ARHGAP32: variants seen among roughly 807,000 people sequenced by gnomAD.
ARHGAP32 encodes the protein rho GTPase-activating protein 32.
In ARHGAP32, 51 loss-of-function variants were observed where a neutral mutation model predicts 186.5. That is an observed-to-expected ratio of 0.27 (90% CI 0.22 to 0.35). The LOEUF (loss-of-function observed/expected upper bound fraction) is 0.35, where lower values mean the gene tolerates loss of function less well. Among genes scored for constraint, ARHGAP32 ranks in the 10% least tolerant of loss-of-function variants. The pLI is 1.00. For missense variants in ARHGAP32, 2,186 were observed against 2,623.5 expected, an observed-to-expected ratio of 0.83 and a Z score of 3.64; for synonymous variants, 950 against 964.3, an observed-to-expected ratio of 0.99 and a Z score of 0.27.
chr11:129,194,269 GAAGT>G (rs1472069122), upstream of ARHGAP32, among the ~76,000 whole-genome samples: 1 of 152,098 alleles, frequency 6.6e-6, no homozygotes, highest in African/African-American at 2.4e-5. Context: ...TTCACAAGTA[GAAGT>G]AAGAGGCAAA....
rs1400362609 is a variant in ARHGAP32 at position 129,102,276 on chromosome 11, T to C, written c.445-8569A>G. Among the ~76,000 whole-genome samples the C allele has an allele frequency of 5.3e-5, 8 of 152,134 alleles. No homozygotes were observed. The East Asian group carries it at 1.5e-3, about 29-fold the overall frequency. On this transcript the variant is annotated intron_variant, in intron 5 of 22. Coordinates refer to ENST00000682385, the MANE Select transcript of ARHGAP32 (RefSeq NM_001378024.1). The stretch of plus-strand genomic sequence containing the variant: ...TGAAATAAGCAGACCAATGATACTA[T>C]AAAGCAACCACATAAACAAGTCTGC...
In ARHGAP32 at chr11:128,973,217, T is replaced by G; in HGVS notation, c.3289A>C (p.Asn1097His). The G allele has an allele frequency of 6.2e-7, 1 of 1,614,192 alleles. No homozygotes were observed. Among genetic ancestry groups the G allele is most frequent in the Non-Finnish European group, 8.5e-7 (1 of 1,180,030 alleles). ...GDIAVATTED[N>H]LSSSYSAVAL... ...ACTGCAGAGTAAGAACTGGACAGAT[T>G]ATCTTCAGTTGTAGCCACCGCTATG... The change falls in exon 22 of 23, where the codon AAT (asparagine) becomes CAT (histidine). Residue 1097 changes from asparagine (N) to histidine (H), a missense_variant. This residue lies in a region of ARHGAP32 where 1,502 missense variants were observed against 1,570.0 expected (regional missense o/e 0.96). Coordinates refer to ENST00000682385, the MANE Select transcript of ARHGAP32 (RefSeq NM_001378024.1).
In ARHGAP32 at chr11:129,123,601, A is replaced by T; in HGVS notation, c.360-71T>A. ...AAATTACTAAGTTTAAGGGAAAAAT[A>T]CAGTGGATTTAAGAGCTCATGCAAG... is the stretch of plus-strand genomic sequence containing the variant. On this transcript the variant is annotated intron_variant, in intron 4 of 22. Transcript: ENST00000682385. The surrounding 1 kb of genome is among the most constrained non-coding windows in gnomAD (Gnocchi z 4.6). The T allele has an allele frequency of 7.1e-7, 1 of 1,410,192 alleles. No homozygotes were observed. Among genetic ancestry groups the T allele is most frequent in the Non-Finnish European group, 9.9e-7 (1 of 1,009,392 alleles). The allele number at this position is 1,410,192 out of a possible 1,614,324, so 87.4% of individuals were successfully genotyped here.
chr11:129,269,375 T>C (rs904845713), intron 1 of ARHGAP32, among the ~76,000 whole-genome samples: 2 of 152,050 alleles, frequency 1.3e-5, no homozygotes, highest in Non-Finnish European at 2.9e-5. Flanking sequence ...GTGCTACATA[T>C]ACAGGTAATC....
intron 1 of ARHGAP32, among the ~76,000 whole-genome samples, chr11:129,182,022 G>C (rs570183330): frequency 6.6e-6 from 1 of 152,136 alleles, no homozygotes; most frequent in African/African-American, 2.4e-5. Context: ...CTGCTTCTTA[G>C]TAGGTTTACA....
intron 2 of ARHGAP32, among the ~76,000 whole-genome samples, 157 bp from the exon 3 acceptor site, chr11:129,125,051 G>C (rs181338400): frequency 3.1e-4 from 47 of 152,078 alleles, no homozygotes; most frequent in African/African-American, 8.9e-4. Flanking sequence ...TAATTATTAA[G>C]AATATAAATT....
At chr11:129,205,967 T>G (rs1471937902) in intron 1 of ARHGAP32, among the ~76,000 whole-genome samples, 4 of 152,110 alleles carry the variant, frequency 2.6e-5, no homozygotes, top group Non-Finnish European at 5.9e-5. Context: ...AATAGGTATC[T>G]ATTACTCAGC....
intron 2 of ARHGAP32, among the ~76,000 whole-genome samples, chr11:129,139,983 G>T (rs1750893294): frequency 6.6e-6 from 1 of 152,068 alleles, no homozygotes; most frequent in African/African-American, 2.4e-5. Context: ...TGAGAATAGA[G>T]GGTGCAAATG....
In ARHGAP32 at chr11:129,093,718, GA is replaced by G; in HGVS notation, c.445-12del. The G allele has an allele frequency of 9.0e-6, 14 of 1,547,612 alleles. No individual in the cohort carries two copies. The highest frequency in any genetic ancestry group is 1.2e-5 in the South Asian group (1 of 83,438). ...TTCTGAAAGTGAAAGCTACATCACA[GA>G]AAAAAAAGAAGAGGGGGAAAGAAAG... On this transcript the variant is annotated splice_polypyrimidine_tract_variant and intron_variant, in intron 5 of 22. Coordinates refer to ENST00000682385, the MANE Select transcript of ARHGAP32 (RefSeq NM_001378024.1).
rs189769585 is a variant in ARHGAP32, at chr11:129,008,874, T to C, written c.1046-10406A>G. On this transcript the variant is annotated intron_variant, in intron 11 of 22. Coordinates refer to ENST00000682385, the MANE Select transcript of ARHGAP32 (RefSeq NM_001378024.1). ...TGGTTAACTTCAGAAGTTTGTCACA[T>C]ATAATATCACTATATTAAAAGTTAC... is the stretch of plus-strand genomic sequence containing the variant. 1.1e-3 allele frequency among the ~76,000 whole-genome samples: 175 copies of C among 152,326 alleles called. 1 individual carries two copies. Among genetic ancestry groups the C allele is most frequent in the Admixed American group, 1.5e-3 (23 of 15,306 alleles).
At chr11:129,024,261 C>T (rs529209335) in intron 11 of ARHGAP32, 2 of 667,136 alleles carry the variant, frequency 3.0e-6, no homozygotes, top group Admixed American at 6.3e-5. Context: ...AAGAGCTCCA[C>T]CCATCAACCC....
At chr11:129,044,828 T>C (rs187192130) in intron 10 of ARHGAP32, among the ~76,000 whole-genome samples, 87 of 151,998 alleles carry the variant, frequency 5.7e-4, no homozygotes, top group Non-Finnish European at 9.7e-4. Flanking sequence ...ACACTACCTA[T>C]ACCTCAAAGA....
chr11:129,009,160 G>A (rs887479867), intron 11 of ARHGAP32, among the ~76,000 whole-genome samples: 1 of 152,020 alleles, frequency 6.6e-6, no homozygotes, highest in East Asian at 1.9e-4. Context: ...TTCTAAATCT[G>A]TTATTATCTC....
In ARHGAP32 at chr11:129,210,341, T is replaced by C. The variant is rs534075815; in HGVS notation, c.-4-45914A>G. 1.5e-3 allele frequency among the ~76,000 whole-genome samples: 226 copies of C among 152,318 alleles called. 1 individual carries two copies. Among genetic ancestry groups the C allele is most frequent in the African/African-American group, 5.0e-3 (209 of 41,594 alleles). On this transcript the variant is annotated intron_variant, in intron 1 of 6. Coordinates refer to the ARHGAP32 transcript ENST00000525234. Reference sequence around the variant, plus strand: ...TTGTTTCTTCTACCTTACAACTGTATGGGAAATTTTCACACTGTATTTCAC... The same window carrying C: ...TTGTTTCTTCTACCTTACAACTGTACGGGAAATTTTCACACTGTATTTCAC...
chr11:129,125,447 C>T (rs1424235908), intron 2 of ARHGAP32, among the ~76,000 whole-genome samples: 1 of 152,114 alleles, frequency 6.6e-6, no homozygotes, highest in East Asian at 1.9e-4. Flanking sequence ...TCTTAACACT[C>T]TGGACAAAAT....
chr11:129,062,662 A>C (rs553769459), intron 9 of ARHGAP32, among the ~76,000 whole-genome samples: 1 of 152,252 alleles, frequency 6.6e-6, no homozygotes, highest in Non-Finnish European at 1.5e-5. Context: ...CATTATCATC[A>C]CTTCTGTTAA....
chr11:129,022,809 C>T (rs1382650978), intron 11 of ARHGAP32, among the ~76,000 whole-genome samples: 1 of 152,172 alleles, frequency 6.6e-6, no homozygotes, highest in Non-Finnish European at 1.5e-5. Flanking sequence ...CATGGCATCA[C>T]TTTCTAGTCC....
At chr11:129,059,921 T>C (rs565420429) in intron 10 of ARHGAP32, among the ~76,000 whole-genome samples, 15 of 152,306 alleles carry the variant, frequency 9.8e-5, no homozygotes, top group South Asian at 4.1e-4. Context: ...GGAGATACGA[T>C]TGCCTTTCTA....
In ARHGAP32 at chr11:128,970,139, A is replaced by G. The variant is rs1251785128; in HGVS notation, c.5074T>C (p.Leu1692=). The change falls in exon 23 of 23, where the codon TTG becomes CTG. Residue 1692 remains leucine (L), a synonymous_variant. Coordinates refer to ENST00000682385, the MANE Select transcript of ARHGAP32 (RefSeq NM_001378024.1). This position sits in a 1 kb window ranked among gnomAD's most constrained non-coding sequence, Gnocchi z 5.8. Reference sequence around the variant, plus strand: ...TTGGGAAGGCGGTGAAGGGGTCTCAACTGGACTGTGCCATAGGCATCCACA... The same window carrying G: ...TTGGGAAGGCGGTGAAGGGGTCTCAGCTGGACTGTGCCATAGGCATCCACA... ...CDVDAYGTVQ[L]RPLHRLPNRD... The G allele has an allele frequency of 1.2e-6, 2 of 1,614,206 alleles. No homozygotes were observed. The highest frequency in any genetic ancestry group is 1.7e-6 in the Non-Finnish European group (2 of 1,180,048).
Sources: gnomAD v4.1 joint callset for allele counts (sites outside exome capture counted in the v4.1 genomes callset) on GRCh38, gnomAD v4.1.1 for gene constraint, gnomAD v4.1.1 regional missense constraint, Gnocchi (gnomAD v3.1) non-coding constraint, MANE v1.5 for transcripts, NCBI Gene and HGNC (gene_info 2026-07-23, HGNC 2026-07-21) for gene names.